Variants in TAF1 observed in about 807,000 individuals in gnomAD.
The protein encoded by TAF1 is transcription initiation factor TFIID subunit 1.
Under a neutral mutation model 138.5 loss-of-function variants are expected in TAF1, and 2 were observed. The observed-to-expected ratio is 0.01, with a 90% CI of 0.01 to 0.05. The LOEUF is 0.05. Ranked by LOEUF, TAF1 falls within the 10% of genes least tolerant of loss-of-function variation. The probability of loss-of-function intolerance (pLI) is 1.00; values close to 1 mark genes in which losing one functional copy is unlikely to be tolerated. For missense variants in TAF1, 709 were observed against 1,478.0 expected (o/e 0.48, Z 8.53); for synonymous variants, 437 against 503.2 (o/e 0.87, Z 1.76).
At chrX:71,481,678 C>T in intron 13 of TAF1, among the ~76,000 whole-genome samples, 1 of 111,751 alleles carries the variant, frequency 8.9e-6, no homozygotes, top group East Asian at 2.8e-4. Flanking sequence ...CTGCCTCAGC[C>T]TCCTGAGTAG....
intron 3 of TAF1, among the ~76,000 whole-genome samples, chrX:71,374,315 C>T (rs1391663115): frequency 3.6e-5 from 4 of 110,978 alleles, no homozygotes; most frequent in African/African-American, 1.3e-4. Context: ...AACTCCTGAC[C>T]TCAGGTGATC....
At chrX:71,475,502 T>C (rs2038962760) in intron 13 of TAF1, among the ~76,000 whole-genome samples, 1 of 107,340 alleles carries the variant, frequency 9.3e-6, no homozygotes, top group Admixed American at 1.0e-4. Context: ...GGAGAATCAC[T>C]TGAGCCCGGG....
chrX:71,511,109 T>TA (rs1472885008), intron 13 of TAF1, among the ~76,000 whole-genome samples: 4 of 104,090 alleles, frequency 3.8e-5, no homozygotes, highest in Middle Eastern at 4.4e-3. Flanking sequence ...GTCTCAAAAA[T>TA]AAAAAAAATA....
chrX:71,406,665 G>A lies in TAF1; in HGVS notation c.4026G>A (p.Leu1342=). 1 of 1,210,818 alleles carries A rather than the reference G, an allele frequency of 8.3e-7. No individual in the cohort carries two copies. The highest frequency in any genetic ancestry group is 1.1e-6 in the Non-Finnish European group (1 of 895,100). ...CGGATGAGGTTCGCAGAAAATCTCTGGTTCTCAAGTTTCCTAAACAGCAGC... is the reference window on the plus strand; with the variant it reads ...CGGATGAGGTTCGCAGAAAATCTCTAGTTCTCAAGTTTCCTAAACAGCAGC... ...ESADEVRRKS[L]VLKFPKQQLP... Residue 1342 remains leucine, a synonymous_variant, in exon 26 of 38, where the codon CTG becomes CTA. Coordinates refer to ENST00000423759, the MANE Select transcript of TAF1 (RefSeq NM_004606.5).
chrX:71,383,040 T>C lies in TAF1; in HGVS notation c.1823T>C (p.Met608Thr). ...CGGCAGCCCTTCTTTCCCACCCACA[T>C]GGGGCCCATCAAACTCCGGCAGTTC... ...ELRQPFFPTH[M>T]GPIKLRQFHR... The change falls in exon 12 of 38, where the codon ATG becomes ACG. Residue 608 changes from methionine (M) to threonine (T), a missense_variant. This residue lies in a region of TAF1 where 201 missense variants were observed against 421.3 expected (regional missense o/e 0.48). Transcript: ENST00000423759. The C allele has an allele frequency of 8.3e-7, 1 of 1,211,224 alleles. No individual in the cohort carries two copies. The highest frequency in any genetic ancestry group is 1.1e-6 in the Non-Finnish European group (1 of 895,439).
At chrX:71,406,064 C>A (rs1164153229) in intron 25 of TAF1, among the ~76,000 whole-genome samples, 1 of 110,330 alleles carries the variant, frequency 9.1e-6, no homozygotes, top group African/African-American at 3.3e-5. Context: ...TTCGATGGCT[C>A]ACACCTGTAA....
chrX:71,529,438 G>C (rs1259844168), intron 14 of TAF1: 2 of 211,640 alleles, frequency 9.5e-6, no homozygotes, highest in African/African-American at 6.0e-5. Flanking sequence ...GTGCTGATTG[G>C]TGCGTTTTAC....
intron 32 of TAF1, among the ~76,000 whole-genome samples, chrX:71,453,383 A>ACCCCCCCCCC (rs112941031): frequency 2.4e-5 from 1 of 42,062 alleles, no homozygotes; most frequent in African/African-American, 7.1e-5. Context: ...ACATAGTGAG[A>ACCCCCCCCCC]CCCCCCCCCC....
chrX:71,477,886 C>T (rs1020575982), intron 13 of TAF1, among the ~76,000 whole-genome samples: 1 of 109,491 alleles, frequency 9.1e-6, no homozygotes, highest in East Asian at 2.9e-4. Context: ...CCCAGCTTCT[C>T]GGGAGGCTAA....
chrX:71,491,464 A>T (rs1045335496), intron 13 of TAF1, among the ~76,000 whole-genome samples: 5 of 110,662 alleles, frequency 4.5e-5, no homozygotes, highest in Non-Finnish European at 9.4e-5. Flanking sequence ...AATCTTGTGA[A>T]GGTGGCAGCA....
At chrX:71,376,052 T>C (rs2033450479) in intron 4 of TAF1, among the ~76,000 whole-genome samples, 1 of 112,208 alleles carries the variant, frequency 8.9e-6, no homozygotes, top group South Asian at 3.7e-4. Flanking sequence ...CTTCAGTGTT[T>C]ATCTTACCTA....
chrX:71,501,655 C>G (rs961059968), intron 13 of TAF1, among the ~76,000 whole-genome samples: 5 of 111,212 alleles, frequency 4.5e-5, no homozygotes, highest in African/African-American at 1.6e-4. Flanking sequence ...CTCGGCTCAG[C>G]CTGCAAGTAC....
downstream of TAF1, among the ~76,000 whole-genome samples, chrX:71,468,675 ACT>A: frequency 1.1e-5 from 1 of 90,044 alleles, no homozygotes; most frequent in Non-Finnish European, 2.2e-5. Context: ...ACAAAGTGAG[ACT>A]CCCTCTCAAA....
intron 18 of TAF1, among the ~76,000 whole-genome samples, chrX:71,389,945 A>G (rs973563957): frequency 2.7e-5 from 3 of 110,856 alleles, no homozygotes; most frequent in African/African-American, 6.6e-5. Context: ...ACTCACTGCA[A>G]CCTTCACCTA....
chrX:71,383,260 T>A (rs1349197850), intron 12 of TAF1, 96 bp downstream of exon 12: 2 of 955,499 alleles, frequency 2.1e-6, no homozygotes, highest in Non-Finnish European at 2.8e-6. Context: ...GGGAATTGGT[T>A]ATTTTCTCAG....
intron 3 of TAF1, among the ~76,000 whole-genome samples, chrX:71,370,935 A>G (rs778981566): frequency 8.9e-6 from 1 of 112,214 alleles, no homozygotes; most frequent in Admixed American, 9.5e-5. Context: ...TATTCATAGT[A>G]AGACAAACCA....
At chrX:71,446,300 G>A (rs141056636) in intron 32 of TAF1, among the ~76,000 whole-genome samples, 2 of 111,997 alleles carry the variant, frequency 1.8e-5, no homozygotes, top group African/African-American at 6.5e-5. Flanking sequence ...GTTCCAAAAG[G>A]CTATACCTGT....
chrX:71,517,248 T>G (rs2039841482), intron 13 of TAF1, among the ~76,000 whole-genome samples: 1 of 111,264 alleles, frequency 9.0e-6, no homozygotes, highest in Non-Finnish European at 1.9e-5. Flanking sequence ...TATAGTTGGA[T>G]AGAATGAATA....
intron 14 of TAF1, among the ~76,000 whole-genome samples, chrX:71,529,078 G>GTT (rs371086480): frequency 3.2e-5 from 3 of 95,086 alleles, no homozygotes; most frequent in Admixed American, 1.1e-4. Context: ...TTTTGTTTTT[G>GTT]TTTTTTTTTT....
Sources: allele counts gnomAD v4.1 joint callset (sites outside exome capture counted in the v4.1 genomes callset), GRCh38; gene constraint gnomAD v4.1.1; regional missense constraint gnomAD v4.1.1; transcripts MANE v1.5; gene names NCBI Gene and HGNC (gene_info 2026-07-23, HGNC 2026-07-21).